RPF2: variants seen among roughly 807,000 people sequenced by gnomAD.
RPF2 encodes the protein brix domain containing 1.
In RPF2, 21 loss-of-function variants were observed where a neutral mutation model predicts 38.9. The observed-to-expected ratio is 0.54, with a 90% CI of 0.38 to 0.78. The LOEUF is 0.78. RPF2 is among the 30% of genes least tolerant of loss of function. The pLI is 0.00. For synonymous variants in RPF2, 121 were observed against 126.2 expected (o/e 0.96, Z 0.28); for missense variants, 314 against 358.1 (o/e 0.88, Z 0.99).
At chr6:110,996,124 G>GTTT (rs35806882) in intron 4 of RPF2, among the ~76,000 whole-genome samples, 1 of 122,664 alleles carries the variant, frequency 8.2e-6, no homozygotes, top group Admixed American at 8.1e-5. Context: ...AGCCAGATAA[G>GTTT]TTTTTTTTTT....
intron 7 of RPF2, among the ~76,000 whole-genome samples, chr6:111,015,374 T>C (rs957044833): frequency 4.6e-5 from 7 of 152,236 alleles, no homozygotes; most frequent in African/African-American, 1.7e-4. Context: ...GCTAATTTGA[T>C]TTTAATAGTC....
At chr6:111,014,682 A>G (rs1309424628) in intron 7 of RPF2, among the ~76,000 whole-genome samples, 1 of 152,202 alleles carries the variant, frequency 6.6e-6, no homozygotes, top group Non-Finnish European at 1.5e-5. Context: ...TTATTCATGA[A>G]TTTCCATTTA....
intron 6 of RPF2, among the ~76,000 whole-genome samples, chr6:111,003,087 C>G (rs527849270): frequency 6.2e-5 from 9 of 146,170 alleles, no homozygotes; most frequent in Admixed American, 5.4e-4. Flanking sequence ...TTACCCCCCC[C>G]CCTTTTTTTT....
chr6:110,982,749 T>G (rs1215908321), intron 1 of RPF2, among the ~76,000 whole-genome samples: 2 of 152,240 alleles, frequency 1.3e-5, no homozygotes, highest in South Asian at 2.1e-4. Flanking sequence ...TTACTTGCTG[T>G]GATTTTCTTG....
At chr6:111,008,500 G>C (rs761211503) in intron 7 of RPF2, among the ~76,000 whole-genome samples, 2 of 151,574 alleles carry the variant, frequency 1.3e-5, no homozygotes, top group Non-Finnish European at 2.9e-5. Context: ...GATTATTTCT[G>C]GATGTGTTAG....
At chr6:110,990,572 CCA>C (rs1491395456) in intron 3 of RPF2, among the ~76,000 whole-genome samples, 2,012 of 109,678 alleles carry the variant, frequency 0.018, 51 homozygotes, top group African/African-American at 0.063. Flanking sequence ...CCCCCCCCCC[CCA>C]CCTTTTCTTT....
intron 6 of RPF2, among the ~76,000 whole-genome samples, chr6:111,005,815 T>G (rs1419582468): frequency 6.6e-6 from 1 of 151,962 alleles, no homozygotes; most frequent in Non-Finnish European, 1.5e-5. Context: ...GTATTTGGTT[T>G]GTTTGTTATT....
intron 9 of RPF2, among the ~76,000 whole-genome samples, chr6:111,024,739 G>C (rs1562377994): frequency 6.8e-6 from 1 of 147,710 alleles, no homozygotes; most frequent in Non-Finnish European, 1.5e-5. Context: ...CATATATAAA[G>C]AGATCAATAC....
At chr6:110,983,563 C>T (rs1157465092) in intron 1 of RPF2, among the ~76,000 whole-genome samples, 2 of 152,046 alleles carry the variant, frequency 1.3e-5, no homozygotes, top group Admixed American at 6.6e-5. Flanking sequence ...AGGCTGGTCT[C>T]GAACTTCTGG....
intron 7 of RPF2, among the ~76,000 whole-genome samples, chr6:111,011,827 A>C (rs929199673): frequency 6.6e-6 from 1 of 152,140 alleles, no homozygotes; most frequent in African/African-American, 2.4e-5. Context: ...TTGTGCTTCC[A>C]CTAGATGGCA....
chr6:110,992,002 T>C (rs1771628661), intron 4 of RPF2, among the ~76,000 whole-genome samples: 2 of 152,124 alleles, frequency 1.3e-5, no homozygotes, highest in Non-Finnish European at 2.9e-5. Context: ...CCTGCAAATA[T>C]ATTGATAAAA....
intron 6 of RPF2, among the ~76,000 whole-genome samples, chr6:111,000,156 A>G (rs1305928257): frequency 6.6e-6 from 1 of 151,738 alleles, no homozygotes; most frequent in Non-Finnish European, 1.5e-5. Context: ...CCCAGGCTGG[A>G]GAGCAGTGGC....
In RPF2 at chr6:111,025,562, A is replaced by G; in HGVS notation, c.901A>G (p.Lys301Glu). Residue 301 changes from lysine to glutamate, a missense_variant, in exon 10 of 10, where the codon AAA (lysine) becomes GAA (glutamate). Physicochemically the swap from Lys to Glu is moderately conservative, Grantham distance 56. Coordinates refer to ENST00000441448, the MANE Select transcript of RPF2 (RefSeq NM_032194.3). Reference sequence around the variant, plus strand: ...AACAGAAGACCACGAGAAAAAGTCAAAAAGAATTAAAAAAAATTGATGGAA... The same window carrying G: ...AACAGAAGACCACGAGAAAAAGTCAGAAAGAATTAAAAAAAATTGATGGAA... ...RITEDHEKKS[K>E]RIKKN 6.2e-7 allele frequency: 1 copy of G among 1,605,624 alleles called. No individual in the cohort carries two copies. The highest frequency in any genetic ancestry group is 8.5e-7 in the Non-Finnish European group (1 of 1,177,898).
intron 6 of RPF2, among the ~76,000 whole-genome samples, chr6:111,004,363 T>C (rs1313457784): frequency 1.3e-5 from 2 of 150,708 alleles, no homozygotes; most frequent in African/African-American, 4.9e-5. Context: ...TTTGTATTTT[T>C]AGTAGAGACA....
At chr6:111,019,945 C>T (rs903500328) in intron 8 of RPF2, among the ~76,000 whole-genome samples, 4 of 148,896 alleles carry the variant, frequency 2.7e-5, no homozygotes, top group East Asian at 2.0e-4. Context: ...GACGGAGTCT[C>T]GCTATGTTGC....
chr6:110,993,940 T>G (rs1157405899), intron 4 of RPF2, among the ~76,000 whole-genome samples: 2 of 152,182 alleles, frequency 1.3e-5, no homozygotes, highest in African/African-American at 2.4e-5. Context: ...CAAATCCCTC[T>G]TTGTGTGAGG....
intron 2 of RPF2, 130 bp downstream of exon 2, chr6:110,985,268 A>G (rs1771505204): frequency 1.4e-6 from 1 of 721,530 alleles, no homozygotes; most frequent in Non-Finnish European, 2.2e-6. Flanking sequence ...CTTAGAGAAG[A>G]GCTAAAGTTG....
rs1299249003 is a variant in RPF2 at position 111,025,405 on chromosome 6, AAAG to A, written c.753_755del (p.Lys252del). 17 of 1,596,104 alleles carry A rather than the reference AAAG, an allele frequency of 1.1e-5. No individual in the cohort carries two copies. Among genetic ancestry groups the A allele is most frequent in the East Asian group, 2.2e-5 (1 of 44,774 alleles). ...ATATACATATTCTTTTATCGTAGCC[AAAG>A]AAGAAGAAAAATATTTCCCATGATA... is the stretch of plus-strand genomic sequence containing the variant. On this transcript the variant is annotated inframe_deletion, in exon 10 of 10. Transcript: ENST00000441448.
intron 1 of RPF2, among the ~76,000 whole-genome samples, chr6:110,983,757 G>A (rs1771471429): frequency 6.6e-6 from 1 of 151,894 alleles, no homozygotes; most frequent in Admixed American, 6.6e-5. Context: ...CGCGCGTGGA[G>A]GCTCACGCCT....
Sources: gnomAD v4.1 joint callset for allele counts (sites outside exome capture counted in the v4.1 genomes callset) on GRCh38, gnomAD v4.1.1 for gene constraint, MANE v1.5 for transcripts, NCBI Gene and HGNC (gene_info 2026-07-23, HGNC 2026-07-21) for gene names.